Variants in UBE2E2 observed in about 807,000 individuals in gnomAD.
UBE2E2 encodes ubiquitin conjugating enzyme E2 E2, also known as ubiquitin-conjugating enzyme E2 E2.
Under a neutral mutation model 24.7 loss-of-function variants are expected in UBE2E2, and 6 were observed. The ratio of observed to expected loss-of-function variants is 0.24; its 90% CI spans 0.13 to 0.48. The LOEUF is 0.48. Ranked by LOEUF, UBE2E2 falls within the 20% of genes least tolerant of loss-of-function variation. The pLI, the probability that UBE2E2 is intolerant of heterozygous loss-of-function variation, is 0.99. For synonymous variants in UBE2E2, 104 were observed against 83.6 expected, an observed-to-expected ratio of 1.24 and a Z score of -1.33; for missense variants, 169 against 245.0, an observed-to-expected ratio of 0.69 and a Z score of 2.07.
intron 5 of UBE2E2, among the ~76,000 whole-genome samples, chr3:23,542,691 T>G (rs1695420876): frequency 6.6e-6 from 1 of 152,226 alleles, no homozygotes; most frequent in African/African-American, 2.4e-5. Context: ...AAATAATACC[T>G]GCTTATTAAT....
intron 3 of UBE2E2, among the ~76,000 whole-genome samples, chr3:23,235,564 G>A (rs1314258125): frequency 6.6e-6 from 1 of 152,126 alleles, no homozygotes; most frequent in African/African-American, 2.4e-5. Context: ...TAGATTGGAG[G>A]TGGGTAAAAG....
chr3:23,443,887 G>A (rs1240624718), intron 3 of UBE2E2, among the ~76,000 whole-genome samples: 1 of 152,116 alleles, frequency 6.6e-6, no homozygotes, highest in Non-Finnish European at 1.5e-5. Flanking sequence ...TGAGATCAGA[G>A]GTTATGTGCA....
At chr3:23,372,828 A>G in intron 3 of UBE2E2, among the ~76,000 whole-genome samples, 1 of 152,186 alleles carries the variant, frequency 6.6e-6, no homozygotes, top group East Asian at 1.9e-4. Flanking sequence ...GTCCATTTAG[A>G]GGGGCATCTC....
chr3:23,270,459 T>TTGGAG (rs1487334203), intron 3 of UBE2E2, among the ~76,000 whole-genome samples: 1 of 152,130 alleles, frequency 6.6e-6, no homozygotes, highest in Non-Finnish European at 1.5e-5. Flanking sequence ...GAACCAAGGC[T>TTGGAG]TGGAGTTAGG....
chr3:23,440,404 G>A (rs567475690), intron 3 of UBE2E2, among the ~76,000 whole-genome samples: 5 of 152,066 alleles, frequency 3.3e-5, no homozygotes, highest in East Asian at 2.0e-4. Context: ...CATTGTACCC[G>A]GCTATCTTAT....
At chr3:23,353,416 T>C (rs1385669253) in intron 3 of UBE2E2, among the ~76,000 whole-genome samples, 3 of 152,084 alleles carry the variant, frequency 2.0e-5, no homozygotes, top group Admixed American at 6.5e-5. Context: ...AAATAAAGGG[T>C]ATTCAATTAG....
At chr3:23,456,341 C>T (rs546605101) in intron 3 of UBE2E2, among the ~76,000 whole-genome samples, 12 of 152,328 alleles carry the variant, frequency 7.9e-5, no homozygotes, top group African/African-American at 2.2e-4. Context: ...CTCATGATCA[C>T]GAATGTTCTT....
Position 23,379,558 on chromosome 3 carries a change from T to A in UBE2E2, c.228-120050T>A, listed in dbSNP as rs1696612717. 1.3e-5 allele frequency among the ~76,000 whole-genome samples: 2 copies of A among 151,184 alleles called. 1 individual carries two copies. The stretch of plus-strand genomic sequence containing the variant: ...TGATTTCCAGTTTCATCCATGTCCC[T>A]ACAAAGGACATGAACTCATCATTTT... On this transcript the variant is annotated intron_variant, in intron 3 of 5. Coordinates refer to ENST00000396703, the MANE Select transcript of UBE2E2 (RefSeq NM_152653.4).
chr3:23,433,978 TTATAA>T (rs1281843907), intron 3 of UBE2E2, among the ~76,000 whole-genome samples: 1 of 152,100 alleles, frequency 6.6e-6, no homozygotes. Flanking sequence ...ATGGAACTAT[TTATAA>T]TATAGTGAAA....
intron 3 of UBE2E2, among the ~76,000 whole-genome samples, chr3:23,420,124 A>G (rs935001187): frequency 1.3e-5 from 2 of 152,216 alleles, no homozygotes; most frequent in African/African-American, 2.4e-5. Flanking sequence ...TAAAACCTAC[A>G]GTTTTCTAAC....
intron 5 of UBE2E2, among the ~76,000 whole-genome samples, chr3:23,533,619 ATTTTT>A (rs759984741): frequency 4.6e-5 from 5 of 108,508 alleles, no homozygotes; most frequent in South Asian, 3.2e-4. Context: ...GCAAATTAGT[ATTTTT>A]TTTTTTTTTT....
At chr3:23,556,333 C>A (rs1323737839) in intron 5 of UBE2E2, among the ~76,000 whole-genome samples, 1 of 149,210 alleles carries the variant, frequency 6.7e-6, no homozygotes, top group African/African-American at 2.5e-5. Flanking sequence ...TTAGTAGAGA[C>A]GGTTTCACCA....
intron 3 of UBE2E2, among the ~76,000 whole-genome samples, chr3:23,223,040 T>G (rs1575481718): frequency 9.5e-6 from 1 of 104,726 alleles, no homozygotes; most frequent in African/African-American, 3.5e-5. Context: ...TTTTTTTTTT[T>G]GAGTTGTCTC....
At chr3:23,209,982 G>A (rs1696274881) in intron 2 of UBE2E2, among the ~76,000 whole-genome samples, 1 of 152,086 alleles carries the variant, frequency 6.6e-6, no homozygotes, top group Admixed American at 6.6e-5. Context: ...GCTAGGGTGG[G>A]GAAGAGGGTT....
chr3:23,489,729 G>A (rs1427556116), intron 3 of UBE2E2, among the ~76,000 whole-genome samples: 1 of 152,142 alleles, frequency 6.6e-6, no homozygotes, highest in Non-Finnish European at 1.5e-5. Flanking sequence ...TTCCTAACAG[G>A]CCACGGACTG....
At chr3:23,255,347 GC>G (rs2125349234) in intron 3 of UBE2E2, among the ~76,000 whole-genome samples, 1 of 151,770 alleles carries the variant, frequency 6.6e-6, no homozygotes, top group East Asian at 1.9e-4. Flanking sequence ...GTGTTCCTCA[GC>G]CTCCCAAAGT....
chr3:23,432,919 G>A (rs948650732), intron 3 of UBE2E2, among the ~76,000 whole-genome samples: 1 of 151,702 alleles, frequency 6.6e-6, no homozygotes, highest in Non-Finnish European at 1.5e-5. Flanking sequence ...TATAAGAATA[G>A]ACACTTCGAT....
At chr3:23,585,446 C>T (rs1158803387) in intron 5 of UBE2E2, among the ~76,000 whole-genome samples, 3 of 151,310 alleles carry the variant, frequency 2.0e-5, no homozygotes, top group Non-Finnish European at 4.4e-5. Context: ...GCTTTGTATA[C>T]CTAACTTCCA....
intron 3 of UBE2E2, among the ~76,000 whole-genome samples, chr3:23,229,730 T>C (rs1696924063): frequency 6.6e-6 from 1 of 152,224 alleles, no homozygotes; most frequent in South Asian, 2.1e-4. Flanking sequence ...AGTAGGACTT[T>C]CTGTTATGAT....
Sources: allele counts gnomAD v4.1 joint callset (sites outside exome capture counted in the v4.1 genomes callset), GRCh38; gene constraint gnomAD v4.1.1; transcripts MANE v1.5; gene names NCBI Gene and HGNC (gene_info 2026-07-23, HGNC 2026-07-21).